TAS2R1: variants seen among roughly 807,000 people sequenced by gnomAD.
TAS2R1 encodes taste 2 receptor member 1, also known as taste receptor type 2 member 1.
For synonymous variants in TAS2R1, 141 were observed against 134.2 expected, an observed-to-expected ratio of 1.05 and a Z score of -0.35; for missense variants, 370 against 353.4, an observed-to-expected ratio of 1.05 and a Z score of -0.38.
chr5:9,853,401 T>C, the TAS2R1 span, among the ~76,000 whole-genome samples: 1 of 152,246 alleles, frequency 6.6e-6, no homozygotes, highest in South Asian at 2.1e-4. Flanking sequence ...AGGGGTAGAT[T>C]ATTCAGAAAT....
the TAS2R1 span, among the ~76,000 whole-genome samples, chr5:9,844,488 G>A: frequency 6.6e-6 from 1 of 152,118 alleles, no homozygotes; most frequent in Non-Finnish European, 1.5e-5. Flanking sequence ...ATTTAAGCGT[G>A]ATTTCCTATG....
chr5:9,629,046 C>G lies in TAS2R1; in HGVS notation c.*87G>C. 1 of 1,379,410 alleles carries G rather than the reference C, an allele frequency of 7.2e-7. No individual in the cohort carries two copies. Among genetic ancestry groups the G allele is most frequent in the Non-Finnish European group, 9.7e-7 (1 of 1,028,854 alleles). The allele number at this position is 1,379,410 out of a possible 1,614,324, so 85.4% of individuals were successfully genotyped here. A position where few individuals can be genotyped will look rare whatever the true frequency, so the allele number is the denominator to read the frequency against. ...AGGGGACATGTTGTATATTTATGAACAGGCTGCTTTGTCTGGCTGAGGGAA... is the reference window on the plus strand; with the variant it reads ...AGGGGACATGTTGTATATTTATGAAGAGGCTGCTTTGTCTGGCTGAGGGAA... On this transcript the variant is annotated 3_prime_UTR_variant, in exon 1 of 1. Transcript: ENST00000382492.
At chr5:9,825,574 T>C in the TAS2R1 span, among the ~76,000 whole-genome samples, 3 of 152,144 alleles carry the variant, frequency 2.0e-5, no homozygotes, top group East Asian at 5.8e-4. Context: ...ACTAGACTAT[T>C]TGGTTACCCT....
At chr5:9,873,364 T>C in the TAS2R1 span, among the ~76,000 whole-genome samples, 635 of 150,760 alleles carry the variant, frequency 4.2e-3, 3 homozygotes, top group Non-Finnish European at 6.7e-3. Context: ...CACACAGGGG[T>C]GCCCCATATG....
chr5:9,870,381 C>T, the TAS2R1 span, among the ~76,000 whole-genome samples: 67 of 152,296 alleles, frequency 4.4e-4, no homozygotes, highest in African/African-American at 1.5e-3. Context: ...AAAACAAGTG[C>T]TTTGTTTCAG....
chr5:9,666,950 T>C (rs10513029), intron 1 of TAS2R1, among the ~76,000 whole-genome samples: 28,386 of 152,068 alleles, frequency 0.19, 2,784 homozygotes, highest in Admixed American at 0.28. Context: ...GATAGCGATA[T>C]TAACTAAAAA....
At chr5:9,803,330 A>T in the TAS2R1 span, among the ~76,000 whole-genome samples, 161 of 152,360 alleles carry the variant, frequency 1.1e-3, no homozygotes, top group African/African-American at 3.7e-3. Context: ...AAGGGAATAA[A>T]TGAGGAAAAC....
chr5:9,657,702 T>C (rs1319284661), intron 2 of TAS2R1, among the ~76,000 whole-genome samples: 1 of 152,140 alleles, frequency 6.6e-6, no homozygotes, highest in Non-Finnish European at 1.5e-5. Context: ...AGTTAAATTC[T>C]TAGAGAAAGT....
chr5:9,857,080 A>G, the TAS2R1 span, among the ~76,000 whole-genome samples: 1 of 152,230 alleles, frequency 6.6e-6, no homozygotes, highest in Admixed American at 6.5e-5. Flanking sequence ...ATATTAATAC[A>G]GAATAAAGTA....
At chr5:9,651,250 T>G (rs1484642043) in intron 2 of TAS2R1, among the ~76,000 whole-genome samples, 1 of 152,218 alleles carries the variant, frequency 6.6e-6, no homozygotes, top group African/African-American at 2.4e-5. Flanking sequence ...TATACATCAC[T>G]GGATTAATCC....
chr5:9,834,503 G>A, the TAS2R1 span, among the ~76,000 whole-genome samples: 4 of 152,262 alleles, frequency 2.6e-5, no homozygotes, highest in East Asian at 7.7e-4. Flanking sequence ...CCAGAGTACA[G>A]AGTTATTTAC....
chr5:9,785,674 A>G, the TAS2R1 span, among the ~76,000 whole-genome samples: 1 of 152,208 alleles, frequency 6.6e-6, no homozygotes, highest in Non-Finnish European at 1.5e-5. Flanking sequence ...TATGTTTAAC[A>G]TTCCCTATAA....
the TAS2R1 span, among the ~76,000 whole-genome samples, chr5:9,827,476 T>C: frequency 6.6e-6 from 1 of 152,148 alleles, no homozygotes. Flanking sequence ...TGGCTCATGC[T>C]TGAATGTCAG....
chr5:9,842,313 TCTC>T, the TAS2R1 span, among the ~76,000 whole-genome samples: 569 of 93,506 alleles, frequency 6.1e-3, 2 homozygotes, highest in South Asian at 8.5e-3. Context: ...TCTTTCTTTC[TCTC>T]TTTTTTTTTT....
chr5:9,826,674 G>T, the TAS2R1 span, among the ~76,000 whole-genome samples: 12 of 152,260 alleles, frequency 7.9e-5, no homozygotes, highest in African/African-American at 2.6e-4. Context: ...AAAGAGGTTT[G>T]CTTTTTTCAG....
At chr5:9,809,981 C>T in the TAS2R1 span, among the ~76,000 whole-genome samples, 1 of 152,208 alleles carries the variant, frequency 6.6e-6, no homozygotes, top group Non-Finnish European at 1.5e-5. Context: ...ATCAACTTTA[C>T]ATGGAACCTC....
At chr5:9,864,186 G>A in the TAS2R1 span, among the ~76,000 whole-genome samples, 14 of 152,200 alleles carry the variant, frequency 9.2e-5, no homozygotes, top group Admixed American at 7.2e-4. Context: ...ACACACACCT[G>A]AGAAGCAGTC....
the TAS2R1 span, among the ~76,000 whole-genome samples, chr5:9,813,811 C>A: frequency 6.6e-6 from 1 of 152,144 alleles, no homozygotes; most frequent in East Asian, 1.9e-4. Context: ...GTACATCCTG[C>A]CACATCTGTC....
chr5:9,865,376 C>T, the TAS2R1 span, among the ~76,000 whole-genome samples: 1 of 152,182 alleles, frequency 6.6e-6, no homozygotes, highest in African/African-American at 2.4e-5. Context: ...ATTTACTCAT[C>T]CCTTATAATT....
Sources: allele counts gnomAD v4.1 joint callset (sites outside exome capture counted in the v4.1 genomes callset), GRCh38; gene constraint gnomAD v4.1.1; transcripts MANE v1.5; gene names NCBI Gene and HGNC (gene_info 2026-07-23, HGNC 2026-07-21).